RPTOR: variants seen among roughly 807,000 people sequenced by gnomAD.
RPTOR encodes regulatory-associated protein of mTOR.
In RPTOR, 21 loss-of-function variants were observed where a neutral mutation model predicts 169.9. That is an observed-to-expected ratio of 0.12 (90% CI 0.09 to 0.18). RPTOR has a LOEUF of 0.18. Among genes scored for constraint, RPTOR ranks in the 10% least tolerant of loss-of-function variants. The pLI is 1.00. For synonymous variants in RPTOR, 732 were observed against 753.2 expected (o/e 0.97, Z 0.46); for missense variants, 1,133 against 1,855.9 (o/e 0.61, Z 7.16).
At chr17:80,907,031 A>ATCT in intron 20 of RPTOR, among the ~76,000 whole-genome samples, 1 of 152,288 alleles carries the variant, frequency 6.6e-6, no homozygotes, top group African/African-American at 2.4e-5. Flanking sequence ...GGCCTCAGGC[A>ATCT]TCTGCAGAAC....
rs1567963606 is a variant in RPTOR at position 80,878,388 on chromosome 17, C to A, written c.1510-2027C>A. Among the ~76,000 whole-genome samples, 1 of 152,058 alleles carries A rather than the reference C, an allele frequency of 6.6e-6. No homozygotes were observed. Among genetic ancestry groups the A allele is most frequent in the Non-Finnish European group, 1.5e-5 (1 of 67,994 alleles). On this transcript the variant is annotated intron_variant, in intron 13 of 33. Coordinates refer to ENST00000306801, the MANE Select transcript of RPTOR (RefSeq NM_020761.3). The surrounding 1 kb of genome is among the most constrained non-coding windows in gnomAD (Gnocchi z 4.1). The stretch of plus-strand genomic sequence containing the variant: ...TTGAGACGTAGTCTTGCTCTGTCGC[C>A]CAGGCTGGAATGCAGTGGTGCGATC...
Position 80,674,587 on chromosome 17 carries a change from A to G in RPTOR, c.348+30777A>G, listed in dbSNP as rs1598211307. Among the ~76,000 whole-genome samples, 8 of 152,092 alleles carry G rather than the reference A, an allele frequency of 5.3e-5. No individual in the cohort carries two copies. In the South Asian group the frequency reaches 1.7e-3, roughly 32 times the overall value. On this transcript the variant is annotated intron_variant, in intron 3 of 33. Coordinates refer to ENST00000306801, the MANE Select transcript of RPTOR (RefSeq NM_020761.3). ...TGAGCTTAGCTAAAATCTCGCCACC[A>G]CGCCCAGAAGAGAATGCATTTGCTT...
rs1209124489 is a variant in RPTOR at position 80,752,292 on chromosome 17, TC to T, written c.655-1715del. ...AGGAGGGACTTTGCAAGCCAAGCTC[TC>T]CCAGGGCCCATGGGGCCTCCCTTCC... On this transcript the variant is annotated intron_variant, in intron 5 of 33. Coordinates refer to ENST00000306801, the MANE Select transcript of RPTOR (RefSeq NM_020761.3). Among the ~76,000 whole-genome samples, 3 of 152,200 alleles carry T rather than the reference TC, an allele frequency of 2.0e-5. No individual in the cohort carries two copies. The East Asian group carries it at 5.8e-4, about 29-fold the overall frequency.
At chr17:80,774,245 A>G (rs2066872032) in intron 6 of RPTOR, 4 of 985,276 alleles carry the variant, frequency 4.1e-6, no homozygotes, top group Non-Finnish European at 4.8e-6. Flanking sequence ...CCGTGTGATG[A>G]TGATGCTCAC....
chr17:80,634,775 T>TGCGTACTGTGCATGTGC (rs2065490396), intron 2 of RPTOR, among the ~76,000 whole-genome samples: 1 of 66,930 alleles, frequency 1.5e-5, no homozygotes, highest in African/African-American at 7.1e-5. Flanking sequence ...TGTGCGTGTG[T>TGCGTACTGTGCATGTGC]GTACTGTGTG....
chr17:80,802,886 G>A (rs535271685), intron 7 of RPTOR: 1 of 152,346 alleles, frequency 6.6e-6, no homozygotes, highest in Non-Finnish European at 1.5e-5. Context: ...ACCGGGATGA[G>A]GCTCAGCCCC....
intron 2 of RPTOR, among the ~76,000 whole-genome samples, chr17:80,637,304 G>A (rs2065515450): frequency 6.6e-6 from 1 of 152,254 alleles, no homozygotes; most frequent in Non-Finnish European, 1.5e-5. Context: ...TCATCCGGAT[G>A]AAGCCTGGGG....
intron 7 of RPTOR, among the ~76,000 whole-genome samples, chr17:80,795,322 A>G (rs549372167): frequency 2.4e-4 from 36 of 152,304 alleles, no homozygotes; most frequent in African/African-American, 7.9e-4. Context: ...ACCCTTCCCC[A>G]TCCACCGTGG....
intron 2 of RPTOR, among the ~76,000 whole-genome samples, chr17:80,642,799 T>C (rs1286393710): frequency 2.6e-5 from 4 of 152,206 alleles, no homozygotes; most frequent in Non-Finnish European, 4.4e-5. Context: ...TAATGATAGA[T>C]ATATGTGTGA....
intron 13 of RPTOR, among the ~76,000 whole-genome samples, chr17:80,866,146 A>G (rs1243284724): frequency 6.7e-6 from 1 of 149,524 alleles, no homozygotes; most frequent in East Asian, 1.9e-4. Flanking sequence ...ACAAAGATTT[A>G]TATAAAATAT....
At chr17:80,618,487 A>G (rs4889775) in intron 1 of RPTOR, among the ~76,000 whole-genome samples, 64,411 of 152,112 alleles carry the variant, frequency 0.42, 13,890 homozygotes, top group African/African-American at 0.48. Flanking sequence ...TGCGTGGTGC[A>G]GGAAGGGGTG....
At chr17:80,546,653 G>A (rs543965062) in intron 1 of RPTOR, among the ~76,000 whole-genome samples, 6 of 152,192 alleles carry the variant, frequency 3.9e-5, no homozygotes, top group Non-Finnish European at 5.9e-5. Flanking sequence ...ACATTTCAGT[G>A]GTATAAAAGA....
chr17:80,824,790 G>T (rs1346358295), intron 9 of RPTOR, among the ~76,000 whole-genome samples: 1 of 152,226 alleles, frequency 6.6e-6, no homozygotes, highest in African/African-American at 2.4e-5. Flanking sequence ...AGATGTAAAA[G>T]CACCTCCTAT....
chr17:80,706,600 T>G (rs1325537244), intron 3 of RPTOR, among the ~76,000 whole-genome samples: 1 of 152,240 alleles, frequency 6.6e-6, no homozygotes, highest in Non-Finnish European at 1.5e-5. Context: ...TTCCCTGGGC[T>G]GCTGGTCTCC....
At position 80,957,357 on chromosome 17, in the gene RPTOR, A is replaced by G. The variant is rs569653849; in HGVS notation, c.3371-267A>G. ...AGTTCCAGCTTAGAACTGTCACCCCAGCCTGGACTTGGGAGTTCCAGCTCA... is the reference window on the plus strand; with the variant it reads ...AGTTCCAGCTTAGAACTGTCACCCCGGCCTGGACTTGGGAGTTCCAGCTCA... On this transcript the variant is annotated intron_variant, in intron 28 of 33. Transcript: ENST00000306801. The surrounding 1 kb of genome is among the most constrained non-coding windows in gnomAD (Gnocchi z 4.6). 9.5e-4 allele frequency among the ~76,000 whole-genome samples: 132 copies of G among 139,546 alleles called. No homozygotes were observed. Among genetic ancestry groups the G allele is most frequent in the Middle Eastern group, 4.1e-3 (1 of 244 alleles). 91.5% of individuals were successfully genotyped at this position (139,546 alleles called of 152,430 possible).
intron 11 of RPTOR, among the ~76,000 whole-genome samples, chr17:80,847,961 C>T (rs1479019885): frequency 6.6e-6 from 1 of 152,264 alleles, no homozygotes; most frequent in Non-Finnish European, 1.5e-5. Flanking sequence ...TTCCGCCGTT[C>T]AGTCTGTGCT....
intron 9 of RPTOR, among the ~76,000 whole-genome samples, chr17:80,834,996 T>G (rs759406959): frequency 1.6e-4 from 25 of 152,256 alleles, no homozygotes; most frequent in Non-Finnish European, 3.4e-4. Flanking sequence ...ACTTTGCTTC[T>G]GTCTTAACAA....
chr17:80,962,584 G>T lies in RPTOR; in HGVS notation c.3809+7G>T. On this transcript the variant is annotated splice_region_variant and intron_variant, in intron 32 of 33. Transcript: ENST00000306801. Reference sequence around the variant, plus strand: ...AGGCGGACCTGATCGCATGGTAGGCGCCACCCACCTCCCTGGCCTGCACCG... The same window carrying T: ...AGGCGGACCTGATCGCATGGTAGGCTCCACCCACCTCCCTGGCCTGCACCG... The T allele has an allele frequency of 6.2e-7, 1 of 1,608,360 alleles. No homozygotes were observed. Among genetic ancestry groups the T allele is most frequent in the Non-Finnish European group, 8.5e-7 (1 of 1,176,080 alleles).
intron 21 of RPTOR, among the ~76,000 whole-genome samples, chr17:80,922,014 A>G (rs2068751173): frequency 6.6e-6 from 1 of 152,214 alleles, no homozygotes; most frequent in South Asian, 2.1e-4. Context: ...TCCAGGCAGC[A>G]GAGCCCATTT....
Sources: allele counts gnomAD v4.1 joint callset (sites outside exome capture counted in the v4.1 genomes callset), GRCh38; gene constraint gnomAD v4.1.1; non-coding constraint Gnocchi (gnomAD v3.1); transcripts MANE v1.5; gene names NCBI Gene and HGNC (gene_info 2026-07-23, HGNC 2026-07-21).